The following ZNF367 variants were observed in gnomAD, a reference collection of about 807,000 sequenced individuals.
ZNF367 encodes the protein C2H2 zinc finger protein ZFF29.
Under a neutral mutation model 31.8 loss-of-function variants are expected in ZNF367, and 11 were observed. That is an observed-to-expected ratio of 0.35 (90% CI 0.22 to 0.57). The LOEUF is 0.57. Among genes scored for constraint, ZNF367 ranks in the 20% least tolerant of loss-of-function variants. ZNF367 has a pLI of 0.85. For synonymous variants in ZNF367, 199 were observed against 202.4 expected (o/e 0.98, Z 0.14); for missense variants, 353 against 484.1 (o/e 0.73, Z 2.54).
At chr9:96,405,314 C>CAAA (rs975848691) in intron 1 of ZNF367, among the ~76,000 whole-genome samples, 50 of 55,012 alleles carry the variant, frequency 9.1e-4, no homozygotes, top group African/African-American at 3.1e-3. Context: ...AACTCTGTCT[C>CAAA]AAAAAAAAAA....
Position 96,394,364 on chromosome 9 carries a change from G to T in ZNF367, c.691+459C>A, listed in dbSNP as rs185548281. 1.1e-4 allele frequency among the ~76,000 whole-genome samples: 16 copies of T among 152,230 alleles called. 1 individual carries two copies. In the East Asian group the frequency reaches 3.1e-3, roughly 29 times the overall value. ...AAGGGGAACTGGGGGATGAGGGGCA[G>T]GTAAGGATGGTTAATAGGTACCAAA... On this transcript the variant is annotated intron_variant, in intron 3 of 4. Coordinates refer to ENST00000375256, the MANE Select transcript of ZNF367 (RefSeq NM_153695.4).
At chr9:96,402,149 A>G (rs1347856352) in intron 1 of ZNF367, among the ~76,000 whole-genome samples, 2 of 151,498 alleles carry the variant, frequency 1.3e-5, no homozygotes, top group Non-Finnish European at 2.9e-5. Flanking sequence ...CCAGCTACTC[A>G]GGAGGCTGAG....
At chr9:96,396,918 C>T (rs1458571383) in intron 2 of ZNF367, among the ~76,000 whole-genome samples, 11 of 152,090 alleles carry the variant, frequency 7.2e-5, no homozygotes, top group Non-Finnish European at 1.6e-4. Flanking sequence ...CCACCCACCT[C>T]GGCCTCTCAA....
In ZNF367 at chr9:96,392,458, G is replaced by T. The variant is rs1831483566; in HGVS notation, c.770C>A (p.Thr257Lys). 6.2e-7 allele frequency: 1 copy of T among 1,614,020 alleles called. No individual in the cohort carries two copies. The highest frequency in any genetic ancestry group is 1.1e-5 in the South Asian group (1 of 91,082). The change falls in exon 4 of 5, where the codon ACG becomes AAG. Residue 257 changes from threonine (T) to lysine (K), a missense_variant. This residue lies in a region of ZNF367 where 101 missense variants were observed against 140.0 expected (regional missense o/e 0.72). Coordinates refer to ENST00000375256, the MANE Select transcript of ZNF367 (RefSeq NM_153695.4). ...PYARLKREEPTDTLSKHQAAD... is the reference protein window; with the variant it reads ...PYARLKREEPKDTLSKHQAAD... ...AGCCTGATGTTTGCTGAGTGTGTCC[G>T]TGGGCTCCTCTCTCTTCAGCCTGGC... is the stretch of plus-strand genomic sequence containing the variant.
chr9:96,417,834 T>A lies in ZNF367; in HGVS notation c.199A>T (p.Met67Leu). 1 of 1,489,270 alleles carries A rather than the reference T, an allele frequency of 6.7e-7. No homozygotes were observed. Among genetic ancestry groups the A allele is most frequent in the Non-Finnish European group, 8.9e-7 (1 of 1,128,098 alleles). The allele number at this position is 1,489,270 out of a possible 1,614,324, so 92.3% of individuals were successfully genotyped here. A position where few individuals can be genotyped will look rare whatever the true frequency, so the allele number is the denominator to read the frequency against. The stretch of plus-strand genomic sequence containing the variant: ...TCGCCCCAGCGCCACGGGTACACCA[T>A]GAAGTCGCTGAAGCCGGGGCTGGTG... ...IPTSPGFSDFMVYPWRWGENA... is the reference protein window; with the variant it reads ...IPTSPGFSDFLVYPWRWGENA... Residue 67 changes from methionine to leucine, a missense_variant, in exon 1 of 5, where the codon ATG becomes TTG. Transcript: ENST00000375256. The surrounding 1 kb of genome is among the most constrained non-coding windows in gnomAD (Gnocchi z 5.0).
Position 96,417,294 on chromosome 9 carries a change from T to C in ZNF367, c.420+319A>G, listed in dbSNP as rs538700366. Among the ~76,000 whole-genome samples, 57 of 152,144 alleles carry C rather than the reference T, an allele frequency of 3.7e-4. No individual in the cohort carries two copies. Among genetic ancestry groups the C allele is most frequent in the African/African-American group, 1.3e-3 (56 of 41,508 alleles). On this transcript the variant is annotated intron_variant, in intron 1 of 4. Coordinates refer to ENST00000375256, the MANE Select transcript of ZNF367 (RefSeq NM_153695.4). The surrounding 1 kb of genome is among the most constrained non-coding windows in gnomAD (Gnocchi z 5.0). ...AGGCCCTCATCCCTCTCGTTTCCTC[T>C]CGGAACTGAGGACTCGGCAGCCCGC...
intron 1 of ZNF367, among the ~76,000 whole-genome samples, chr9:96,413,763 G>A (rs976816053): frequency 2.0e-5 from 3 of 152,190 alleles, no homozygotes; most frequent in Non-Finnish European, 2.9e-5. Flanking sequence ...TCCCACAGGC[G>A]AGGGAGGCAG....
chr9:96,416,197 CTACCTCAGCCTCCCGAG>C (rs1030097461), intron 1 of ZNF367, among the ~76,000 whole-genome samples: 3 of 151,552 alleles, frequency 2.0e-5, no homozygotes, highest in Non-Finnish European at 2.9e-5. Flanking sequence ...CGCCATTCTC[CTACCTCAGCCTCCCGAG>C]TAGCTGGGAC....
At chr9:96,406,128 TATAAA>T (rs1260857958) in intron 1 of ZNF367, among the ~76,000 whole-genome samples, 1 of 152,216 alleles carries the variant, frequency 6.6e-6, no homozygotes, top group Non-Finnish European at 1.5e-5. Flanking sequence ...CTAAAACTAA[TATAAA>T]ATAAACATTT....
At chr9:96,411,888 C>T (rs1831756139) in intron 1 of ZNF367, among the ~76,000 whole-genome samples, 1 of 152,126 alleles carries the variant, frequency 6.6e-6, no homozygotes, top group South Asian at 2.1e-4. Flanking sequence ...AGTACAGTGG[C>T]ATGATCTCAG....
chr9:96,408,787 G>A (rs939193447), intron 1 of ZNF367, among the ~76,000 whole-genome samples: 1 of 152,228 alleles, frequency 6.6e-6, no homozygotes, highest in Non-Finnish European at 1.5e-5. Context: ...TAAAATGTCA[G>A]AAGGCACTGT....
chr9:96,412,697 C>CTTTTTTTTT (rs71368258), intron 1 of ZNF367, among the ~76,000 whole-genome samples: 29 of 133,798 alleles, frequency 2.2e-4, no homozygotes, highest in South Asian at 4.8e-4. Flanking sequence ...TTTTTCTTTT[C>CTTTTTTTTT]TTTTTTTTTT....
intron 1 of ZNF367, among the ~76,000 whole-genome samples, chr9:96,413,041 T>TA (rs1831771823): frequency 1.3e-5 from 2 of 152,022 alleles, no homozygotes; most frequent in Admixed American, 6.6e-5. Context: ...GCTTAATATT[T>TA]AAAAAACAAA....
At chr9:96,395,830 G>C (rs1208005681) in intron 2 of ZNF367, among the ~76,000 whole-genome samples, 2 of 146,308 alleles carry the variant, frequency 1.4e-5, no homozygotes, top group Admixed American at 1.4e-4. Context: ...AGACAACACA[G>C]TGCCAGGCTC....
chr9:96,395,062 G>A (rs1384723414), intron 2 of ZNF367, 120 bp from the exon 3 acceptor site: 4 of 1,095,550 alleles, frequency 3.7e-6, no homozygotes, highest in Non-Finnish European at 5.2e-6. Flanking sequence ...ACATGTCATG[G>A]CCCCTACTGA....
chr9:96,418,240 G>A lies in ZNF367; in HGVS notation c.-208C>T, dbSNP rs976125705. ...TGGACCCCAGCCCCAGGTCAAGCGCGCCCTCCGCTCTTTGTACTCCGCAGC... is the reference window on the plus strand; with the variant it reads ...TGGACCCCAGCCCCAGGTCAAGCGCACCCTCCGCTCTTTGTACTCCGCAGC... On this transcript the variant is annotated 5_prime_UTR_variant, in exon 1 of 5. Transcript: ENST00000375256. The A allele has an allele frequency of 1.3e-5, 9 of 683,564 alleles. No homozygotes were observed. Among genetic ancestry groups the A allele is most frequent in the Non-Finnish European group, 8.2e-6 (4 of 486,082 alleles). The allele number at this position is 683,564 out of a possible 1,614,324, so 42.3% of individuals were successfully genotyped here.
intron 1 of ZNF367, among the ~76,000 whole-genome samples, chr9:96,413,343 G>A (rs1382836432): frequency 6.6e-6 from 1 of 152,154 alleles, no homozygotes; most frequent in African/African-American, 2.4e-5. Flanking sequence ...ATGATGTTAG[G>A]TTTAACATGG....
chr9:96,415,123 C>T (rs1268576155), intron 1 of ZNF367, among the ~76,000 whole-genome samples: 3 of 150,516 alleles, frequency 2.0e-5, no homozygotes, highest in Non-Finnish European at 2.9e-5. Context: ...GGCACGATCT[C>T]GGCTCACTGC....
At position 96,388,194 on chromosome 9, in the gene ZNF367, T is replaced by C. The variant is rs1464872984; in HGVS notation, c.*43A>G. 3 of 1,555,564 alleles carry C rather than the reference T, an allele frequency of 1.9e-6. No individual in the cohort carries two copies. The highest frequency in any genetic ancestry group is 2.3e-5 in the East Asian group (1 of 44,318). On this transcript the variant is annotated 3_prime_UTR_variant, in exon 5 of 5. Coordinates refer to ENST00000375256, the MANE Select transcript of ZNF367 (RefSeq NM_153695.4). ...TGCCCAAGGATCTACTTTTTAAGTA[T>C]GCTGGGCAGTACTTTTGTACAGTGG...
Sources: gnomAD v4.1 joint callset for allele counts (sites outside exome capture counted in the v4.1 genomes callset) on GRCh38, gnomAD v4.1.1 for gene constraint, gnomAD v4.1.1 regional missense constraint, Gnocchi (gnomAD v3.1) non-coding constraint, MANE v1.5 for transcripts, NCBI Gene and HGNC (gene_info 2026-07-23, HGNC 2026-07-21) for gene names.